Variants in UBR3 observed in about 807,000 individuals in gnomAD.
The protein encoded by UBR3 is ubiquitin protein ligase E3 component n-recognin 3, also known as E3 ubiquitin-protein ligase UBR3.
A neutral mutation model predicts 243.2 loss-of-function variants in UBR3; 85 were observed. That is an observed-to-expected ratio of 0.35 (90% confidence interval 0.29 to 0.42). UBR3 has a LOEUF of 0.42. UBR3 is among the 10% of genes least tolerant of loss of function. UBR3 has a pLI of 1.00. For synonymous variants in UBR3, 748 were observed against 799.8 expected, an observed-to-expected ratio of 0.94 and a Z score of 1.09; for missense variants, 1,686 against 2,300.8, an observed-to-expected ratio of 0.73 and a Z score of 5.47.
chr2:169,905,005 G>A, intron 8 of UBR3, 109 bp from the exon 9 acceptor site: 1 of 871,774 alleles, frequency 1.1e-6, no homozygotes, highest in Non-Finnish European at 1.6e-6. Flanking sequence ...GGAAGGCTGG[G>A]GTTTGAATTT....
intron 22 of UBR3, among the ~76,000 whole-genome samples, chr2:169,948,262 C>T (rs975752225): frequency 6.6e-6 from 1 of 151,886 alleles, no homozygotes; most frequent in African/African-American, 2.4e-5. Flanking sequence ...TTACTAACAT[C>T]TTAAAAATGA....
intron 24 of UBR3, among the ~76,000 whole-genome samples, chr2:169,984,222 T>A (rs965231073): frequency 6.6e-6 from 1 of 152,322 alleles, no homozygotes; most frequent in East Asian, 1.9e-4. Flanking sequence ...AAGTTACTCA[T>A]TTAGAGTAGG....
intron 14 of UBR3, 82 bp from the exon 15 acceptor site, chr2:169,926,609 CA>C: frequency 1.0e-5 from 9 of 898,322 alleles, no homozygotes; most frequent in Admixed American, 3.4e-5. Context: ...AAACAAAAAA[CA>C]AAAAAAAGTA....
At position 170,046,412 on chromosome 2, in the gene UBR3, A is replaced by C. The variant is rs185681361; in HGVS notation, c.4660+5427A>C. 1.5e-3 allele frequency among the ~76,000 whole-genome samples: 229 copies of C among 152,226 alleles called. 3 individuals are homozygous for C. Among genetic ancestry groups the C allele is most frequent in the Middle Eastern group, 0.01 (3 of 294 alleles). On this transcript the variant is annotated intron_variant, in intron 32 of 38. Coordinates refer to ENST00000272793, the MANE Select transcript of UBR3 (RefSeq NM_172070.4). ...TGCATTTTATTTGTTGAAGAATCTG[A>C]GTCTTTTTCCCTTTAGAACTTACCA...
At chr2:169,970,326 A>ATT (rs140941946) in intron 24 of UBR3, among the ~76,000 whole-genome samples, 9 of 140,662 alleles carry the variant, frequency 6.4e-5, no homozygotes, top group African/African-American at 1.1e-4. Flanking sequence ...AACACTACTG[A>ATT]TTTTTTTTTA....
At position 169,827,696 on chromosome 2, in the gene UBR3, G is replaced by A. The variant is rs1313699174; in HGVS notation, c.189G>A (p.Arg63=). ...ALLERVLSAE[R]PLAAAAGGED... ...TGGAGCGGGTGCTGAGCGCCGAGCG[G>A]CCGCTGGCCGCGGCTGCCGGCGGCG... Residue 63 remains arginine (R), a synonymous_variant, in exon 1 of 39, where the codon CGG becomes CGA. Coordinates refer to ENST00000272793, the MANE Select transcript of UBR3 (RefSeq NM_172070.4). 1.3e-5 allele frequency: 16 copies of A among 1,212,084 alleles called. No individual in the cohort carries two copies. The highest frequency in any genetic ancestry group is 1.6e-5 in the African/African-American group (1 of 62,586). 75.1% of individuals were successfully genotyped at this position (1,212,084 alleles called of 1,614,324 possible). A position where few individuals can be genotyped will look rare whatever the true frequency, so the allele number is the denominator to read the frequency against.
chr2:169,860,373 T>A (rs193039100), intron 1 of UBR3, among the ~76,000 whole-genome samples: 1 of 152,222 alleles, frequency 6.6e-6, no homozygotes, highest in East Asian at 1.9e-4. Flanking sequence ...TAAGCTACAT[T>A]AGTGTGGGTT....
intron 35 of UBR3, among the ~76,000 whole-genome samples, chr2:170,071,811 T>A (rs1047704965): frequency 6.6e-6 from 1 of 152,224 alleles, no homozygotes; most frequent in Non-Finnish European, 1.5e-5. Flanking sequence ...TTGTTGAACG[T>A]CTGCTATGTG....
At chr2:170,013,661 A>G (rs1291777386) in intron 29 of UBR3, among the ~76,000 whole-genome samples, 1 of 152,156 alleles carries the variant, frequency 6.6e-6, no homozygotes, top group Non-Finnish European at 1.5e-5. Flanking sequence ...TTGAGAAAAC[A>G]GAATTGTTCT....
At chr2:170,039,376 G>T (rs2090909018) in intron 31 of UBR3, among the ~76,000 whole-genome samples, 1 of 151,984 alleles carries the variant, frequency 6.6e-6, no homozygotes, top group Non-Finnish European at 1.5e-5. Context: ...GAAATGGTGT[G>T]ACCCCTACAC....
At chr2:169,864,534 C>T (rs2083188941) in intron 1 of UBR3, among the ~76,000 whole-genome samples, 1 of 152,124 alleles carries the variant, frequency 6.6e-6, no homozygotes, top group African/African-American at 2.4e-5. Context: ...GAGGCCGATG[C>T]AGGCAGATCA....
intron 6 of UBR3, 138 bp downstream of exon 6, chr2:169,891,369 A>G (rs534815814): frequency 1.7e-6 from 1 of 576,202 alleles, no homozygotes; most frequent in African/African-American, 1.9e-5. Context: ...GATTTATCTA[A>G]TAAGTCTTGG....
At chr2:169,842,056 A>G (rs894863239) in intron 1 of UBR3, among the ~76,000 whole-genome samples, 3 of 152,200 alleles carry the variant, frequency 2.0e-5, no homozygotes, top group African/African-American at 2.4e-5. Context: ...AAATACACCA[A>G]TCAGCACTCT....
At chr2:170,006,369 TTGTTACATTTTTAAGGACTTA>T (rs1263501384) in intron 27 of UBR3, among the ~76,000 whole-genome samples, 1 of 152,198 alleles carries the variant, frequency 6.6e-6, no homozygotes, top group African/African-American at 2.4e-5. Flanking sequence ...GGAAGATATG[TTGTTACATTTTTAAGGACTTA>T]AAAAGTTAAT....
intron 20 of UBR3, among the ~76,000 whole-genome samples, chr2:169,944,143 G>A (rs935186736): frequency 2.0e-5 from 3 of 152,156 alleles, no homozygotes; most frequent in African/African-American, 7.2e-5. Flanking sequence ...ATAATGGACA[G>A]TCTTTGAATG....
At chr2:169,842,712 C>T (rs1304762354) in intron 1 of UBR3, among the ~76,000 whole-genome samples, 5 of 152,156 alleles carry the variant, frequency 3.3e-5, no homozygotes, top group South Asian at 2.1e-4. Context: ...CACGAACCCA[C>T]CAGAAGGAAG....
intron 33 of UBR3, among the ~76,000 whole-genome samples, chr2:170,060,064 T>G (rs1283866735): frequency 6.6e-6 from 1 of 152,178 alleles, no homozygotes. Flanking sequence ...AATTCTCTGA[T>G]CCAAACTATC....
intron 20 of UBR3, among the ~76,000 whole-genome samples, chr2:169,945,527 A>G (rs1015993315): frequency 2.6e-5 from 4 of 152,102 alleles, no homozygotes; most frequent in East Asian, 1.9e-4. Context: ...GCTCTCTGCT[A>G]TCTCGCCCAC....
chr2:169,889,817 C>T (rs1231931182), intron 5 of UBR3, among the ~76,000 whole-genome samples: 1 of 152,142 alleles, frequency 6.6e-6, no homozygotes, highest in Non-Finnish European at 1.5e-5. Context: ...GCCAAGGAAG[C>T]TGCACCAGTA....
Sources: gnomAD v4.1 joint callset for allele counts (sites outside exome capture counted in the v4.1 genomes callset) on GRCh38, gnomAD v4.1.1 for gene constraint, MANE v1.5 for transcripts, NCBI Gene and HGNC (gene_info 2026-07-23, HGNC 2026-07-21) for gene names.